Variants in ITGBL1 observed in about 807,000 individuals in gnomAD.
The protein encoded by ITGBL1 is integrin beta-like protein 1.
ITGBL1 carries 51 observed loss-of-function variants against 68.5 expected under a neutral mutation model. The observed-to-expected ratio is 0.74, with a 90% CI of 0.59 to 0.94. The LOEUF (loss-of-function observed/expected upper bound fraction) is 0.94. Among genes scored for constraint, ITGBL1 ranks in the 40% least tolerant of loss-of-function variants. ITGBL1 has a pLI of 0.00. For synonymous variants in ITGBL1, 209 were observed against 227.3 expected (o/e 0.92, Z 0.72); for missense variants, 649 against 647.4 (o/e 1.00, Z -0.03).
At chr13:101,681,612 T>G (rs2033644081) in intron 7 of ITGBL1, among the ~76,000 whole-genome samples, 1 of 152,172 alleles carries the variant, frequency 6.6e-6, no homozygotes, top group Admixed American at 6.6e-5. Context: ...CCTGCTGGTT[T>G]GAAACCTGTG....
intron 7 of ITGBL1, among the ~76,000 whole-genome samples, chr13:101,642,747 G>T (rs1482831462): frequency 6.6e-6 from 1 of 151,806 alleles, no homozygotes; most frequent in South Asian, 2.1e-4. Flanking sequence ...TGTATAAGGT[G>T]TAAGGAAGGG....
At chr13:101,693,902 C>T (rs2033941560) in intron 8 of ITGBL1, among the ~76,000 whole-genome samples, 1 of 152,174 alleles carries the variant, frequency 6.6e-6, no homozygotes, top group Non-Finnish European at 1.5e-5. Context: ...AAAACTCCCA[C>T]ATGCTTAGCG....
chr13:101,618,917 A>T (rs1276868187), intron 7 of ITGBL1, among the ~76,000 whole-genome samples: 2 of 152,138 alleles, frequency 1.3e-5, no homozygotes, highest in Non-Finnish European at 2.9e-5. Context: ...GTCAGGTTTG[A>T]ACCAATCACT....
At position 101,656,784 on chromosome 13, in the gene ITGBL1, C is replaced by T. The variant is rs76448987; in HGVS notation, c.1016-35801C>T. Among the ~76,000 whole-genome samples the T allele has an allele frequency of 2.4e-3, 363 of 152,220 alleles. 2 individuals carry two copies. The highest frequency in any genetic ancestry group is 8.2e-3 in the African/African-American group (339 of 41,528). On this transcript the variant is annotated intron_variant, in intron 7 of 10. Transcript: ENST00000376180. Reference sequence around the variant, plus strand: ...TCAAGAGTATGTAATACATCGATTGCAGCTCCAAGTCTACATCATCTGTTT... The same window carrying T: ...TCAAGAGTATGTAATACATCGATTGTAGCTCCAAGTCTACATCATCTGTTT...
intron 2 of ITGBL1, among the ~76,000 whole-genome samples, chr13:101,559,831 A>G (rs144536296): frequency 1.3e-3 from 201 of 152,362 alleles, no homozygotes; most frequent in African/African-American, 4.4e-3. Flanking sequence ...TACTTATCAT[A>G]GTACTGGAAG....
chr13:101,700,571 C>T (rs2034113186), intron 8 of ITGBL1, among the ~76,000 whole-genome samples: 1 of 152,200 alleles, frequency 6.6e-6, no homozygotes, highest in African/African-American at 2.4e-5. Flanking sequence ...ACATCATTCA[C>T]TTCCTTAATA....
At chr13:101,649,063 T>G (rs1004016207) in intron 7 of ITGBL1, among the ~76,000 whole-genome samples, 1 of 152,196 alleles carries the variant, frequency 6.6e-6, no homozygotes, top group Non-Finnish European at 1.5e-5. Flanking sequence ...TTAACACACT[T>G]TTATTCTTAA....
chr13:101,631,212 T>C (rs2031966969), intron 7 of ITGBL1, among the ~76,000 whole-genome samples: 2 of 152,170 alleles, frequency 1.3e-5, no homozygotes, highest in Non-Finnish European at 2.9e-5. Flanking sequence ...TGATCGCAAA[T>C]GGTTAAAAAT....
At chr13:101,714,371 A>T in intron 9 of ITGBL1, 67 bp from the exon 10 acceptor site, 1 of 916,218 alleles carries the variant, frequency 1.1e-6, no homozygotes, top group South Asian at 1.3e-5. Flanking sequence ...TGTGTCAACG[A>T]TATTCTATTC....
chr13:101,629,621 T>G (rs996348537), intron 7 of ITGBL1, among the ~76,000 whole-genome samples: 3 of 152,164 alleles, frequency 2.0e-5, no homozygotes, highest in Non-Finnish European at 4.4e-5. Context: ...ATTATTAGTA[T>G]AAACTTTGCT....
rs368343752 is a variant in ITGBL1, at chr13:101,672,122, CAAATT to C, written c.1016-20460_1016-20456del. 3.6e-4 allele frequency among the ~76,000 whole-genome samples: 55 copies of C among 152,240 alleles called. 1 individual carries two copies. The East Asian group carries it at 9.3e-3, about 26-fold the overall frequency. On this transcript the variant is annotated intron_variant, in intron 7 of 10. Coordinates refer to ENST00000376180, the MANE Select transcript of ITGBL1 (RefSeq NM_004791.3). Reference sequence around the variant, plus strand: ...GACAAAATTAAACTTATTTTACAAACAAATTAATCTTATTCTCATTATCTTTAGTA... The same window carrying C: ...GACAAAATTAAACTTATTTTACAAACAATCTTATTCTCATTATCTTTAGTA...
intron 3 of ITGBL1, among the ~76,000 whole-genome samples, chr13:101,570,017 G>A (rs2050247727): frequency 6.6e-6 from 1 of 152,122 alleles, no homozygotes; most frequent in African/African-American, 2.4e-5. Context: ...ACACAGTATT[G>A]ACAATGATGA....
chr13:101,461,070 G>A (rs1397160162), intron 2 of ITGBL1, among the ~76,000 whole-genome samples: 1 of 152,160 alleles, frequency 6.6e-6, no homozygotes, highest in Non-Finnish European at 1.5e-5. Context: ...CATATTTATA[G>A]CATTGTGGTA....
chr13:101,456,111 CT>C (rs1455569097), intron 2 of ITGBL1, among the ~76,000 whole-genome samples: 2 of 152,138 alleles, frequency 1.3e-5, no homozygotes, highest in African/African-American at 4.8e-5. Context: ...GCATTCCTTC[CT>C]TCTTGATACG....
At chr13:101,497,799 T>C (rs1239912644) in intron 2 of ITGBL1, among the ~76,000 whole-genome samples, 1 of 152,174 alleles carries the variant, frequency 6.6e-6, no homozygotes, top group Non-Finnish European at 1.5e-5. Flanking sequence ...TTAACTCTGA[T>C]GTGGAGGGGC....
chr13:101,640,862 A>G (rs1054888957), intron 7 of ITGBL1, among the ~76,000 whole-genome samples: 1 of 152,160 alleles, frequency 6.6e-6, no homozygotes, highest in Non-Finnish European at 1.5e-5. Context: ...CCACTTATAA[A>G]TGAAAACCTG....
intron 2 of ITGBL1, among the ~76,000 whole-genome samples, chr13:101,556,818 C>T (rs1003459186): frequency 6.6e-6 from 1 of 152,108 alleles, no homozygotes; most frequent in Non-Finnish European, 1.5e-5. Flanking sequence ...CTCAAGAGAC[C>T]CTGGTCCTGT....
chr13:101,580,850 A>G (rs9300681), intron 5 of ITGBL1, among the ~76,000 whole-genome samples: 58,627 of 152,042 alleles, frequency 0.39, 11,542 homozygotes, highest in Non-Finnish European at 0.42. Flanking sequence ...CTTCAGAAAC[A>G]TAAGCTAAGC....
chr13:101,564,657 CAATG>C (rs1336013788), intron 2 of ITGBL1, among the ~76,000 whole-genome samples: 1 of 148,366 alleles, frequency 6.7e-6, no homozygotes, highest in Non-Finnish European at 1.5e-5. Flanking sequence ...ATATATATGA[CAATG>C]AACTTGTATC....
Sources: gnomAD v4.1 joint callset for allele counts (sites outside exome capture counted in the v4.1 genomes callset) on GRCh38, gnomAD v4.1.1 for gene constraint, MANE v1.5 for transcripts, NCBI Gene and HGNC (gene_info 2026-07-23, HGNC 2026-07-21) for gene names.